Variants in ABI1 observed in about 807,000 individuals in gnomAD.
ABI1 encodes abl interactor 1, also known as Abelson interactor 1.
In ABI1, 14 loss-of-function variants were observed where a neutral mutation model predicts 54.6. The observed-to-expected ratio is 0.26, with a 90% confidence interval of 0.17 to 0.40. ABI1 has a LOEUF of 0.40. Among genes scored for constraint, ABI1 ranks in the 10% least tolerant of loss-of-function variants. The pLI, the probability that ABI1 is intolerant of heterozygous loss-of-function variation, is 1.00. For missense variants in ABI1, 443 were observed against 598.3 expected, an observed-to-expected ratio of 0.74 and a Z score of 2.71; for synonymous variants, 194 against 209.3, an observed-to-expected ratio of 0.93 and a Z score of 0.63.
At chr10:26,819,452 C>T (rs1308490582) in intron 2 of ABI1, among the ~76,000 whole-genome samples, 1 of 152,022 alleles carries the variant, frequency 6.6e-6, no homozygotes, top group Admixed American at 6.6e-5. Flanking sequence ...GACTAAAATG[C>T]AAAGAAAAAT....
At position 26,748,386 on chromosome 10, in the gene ABI1, T is replaced by C. The variant is rs1186021384; in HGVS notation, c.*184A>G. 8.1e-6 allele frequency: 4 copies of C among 495,846 alleles called. No individual in the cohort carries two copies. The highest frequency in any genetic ancestry group is 1.4e-5 in the Non-Finnish European group (4 of 281,540). 30.7% of individuals were successfully genotyped at this position (495,846 alleles called of 1,614,324 possible). ...ATGGACAGCTTCTTGTATAAATTGCTATTCAGCAATACATAAACTGCCTCA... is the reference window on the plus strand; with the variant it reads ...ATGGACAGCTTCTTGTATAAATTGCCATTCAGCAATACATAAACTGCCTCA... On this transcript the variant is annotated 3_prime_UTR_variant, in exon 11 of 11. Coordinates refer to ENST00000376140, the MANE Select transcript of ABI1 (RefSeq NM_001012750.3).
intron 9 of ABI1, among the ~76,000 whole-genome samples, chr10:26,755,120 C>T (rs2368185): frequency 0.58 from 88,113 of 152,016 alleles, 27,626 homozygotes; most frequent in African/African-American, 0.83. Flanking sequence ...TTACTTATTC[C>T]TGGTCATTCA....
At chr10:26,813,819 T>G (rs1308843565) in intron 2 of ABI1, among the ~76,000 whole-genome samples, 2 of 152,244 alleles carry the variant, frequency 1.3e-5, no homozygotes, top group African/African-American at 4.8e-5. Context: ...AAAATGTTAT[T>G]TGTACTAACA....
intron 2 of ABI1, among the ~76,000 whole-genome samples, chr10:26,797,433 A>G (rs573775359): frequency 4.7e-4 from 71 of 152,336 alleles, no homozygotes; most frequent in Middle Eastern, 6.8e-3. Context: ...TCCGCTTGTC[A>G]TTGTAATCCC....
intron 4 of ABI1, 191 bp from the exon 5 acceptor site, chr10:26,770,536 C>A (rs763447752): frequency 1.4e-6 from 1 of 736,506 alleles, no homozygotes; most frequent in South Asian, 1.4e-5. Context: ...TATTTTATGC[C>A]ATTTATATCA....
intron 9 of ABI1, among the ~76,000 whole-genome samples, chr10:26,754,171 C>T (rs1837978974): frequency 6.6e-6 from 1 of 152,036 alleles, no homozygotes; most frequent in Non-Finnish European, 1.5e-5. Context: ...TATTTTTGCA[C>T]TCTATTTATT....
intron 2 of ABI1, among the ~76,000 whole-genome samples, chr10:26,795,663 A>C (rs557196224): frequency 6.6e-6 from 1 of 152,198 alleles, no homozygotes; most frequent in Non-Finnish European, 1.5e-5. Flanking sequence ...GCATCCAAAA[A>C]AAAATACTTA....
chr10:26,836,582 G>C (rs2049094708), intron 1 of ABI1, among the ~76,000 whole-genome samples: 1 of 152,132 alleles, frequency 6.6e-6, no homozygotes, highest in Non-Finnish European at 1.5e-5. Flanking sequence ...TTTCCCTCTT[G>C]TGACATTTTC....
intron 3 of ABI1, among the ~76,000 whole-genome samples, chr10:26,774,980 A>T (rs1841203569): frequency 6.6e-6 from 1 of 152,160 alleles, no homozygotes; most frequent in African/African-American, 2.4e-5. Flanking sequence ...GTAAGAAAAG[A>T]AACTTCTAAA....
chr10:26,798,232 G>A (rs1009661494), intron 2 of ABI1, among the ~76,000 whole-genome samples: 3 of 151,848 alleles, frequency 2.0e-5, no homozygotes, highest in Non-Finnish European at 4.4e-5. Flanking sequence ...GCTGAAGGTG[G>A]GAAGTTAGAA....
chr10:26,858,680 C>T (rs960933298), intron 1 of ABI1, among the ~76,000 whole-genome samples: 1 of 151,256 alleles, frequency 6.6e-6, no homozygotes. Flanking sequence ...TTTTAAAGTG[C>T]TTCAAAGTTA....
intron 2 of ABI1, among the ~76,000 whole-genome samples, chr10:26,798,459 C>G (rs1241569765): frequency 6.6e-6 from 1 of 151,954 alleles, no homozygotes; most frequent in Non-Finnish European, 1.5e-5. Context: ...GCCAAAAGTG[C>G]AGGTGGCCTC....
At chr10:26,810,941 G>A (rs1543849) in intron 2 of ABI1, among the ~76,000 whole-genome samples, 86,598 of 151,912 alleles carry the variant, frequency 0.57, 26,700 homozygotes, top group African/African-American at 0.82. Flanking sequence ...AAGAGGGAGA[G>A]AGGAGGAAGG....
intron 2 of ABI1, among the ~76,000 whole-genome samples, chr10:26,809,082 C>CA (rs1298858573): frequency 6.6e-6 from 1 of 151,920 alleles, no homozygotes; most frequent in African/African-American, 2.4e-5. Flanking sequence ...CCAGCCTGGC[C>CA]AACATGGTGA....
intron 1 of ABI1, among the ~76,000 whole-genome samples, chr10:26,856,997 C>T (rs563649512): frequency 1.3e-5 from 2 of 152,250 alleles, no homozygotes; most frequent in South Asian, 4.1e-4. Flanking sequence ...GGAAAAGTCT[C>T]TTCTGTATGT....
chr10:26,805,996 T>C (rs2046850617), intron 2 of ABI1, among the ~76,000 whole-genome samples: 2 of 151,966 alleles, frequency 1.3e-5, no homozygotes, highest in South Asian at 4.1e-4. Flanking sequence ...TACATTCTAA[T>C]CACCCTGAAA....
chr10:26,819,833 A>G (rs902254337), intron 2 of ABI1, among the ~76,000 whole-genome samples: 23 of 152,344 alleles, frequency 1.5e-4, no homozygotes, highest in African/African-American at 4.6e-4. Context: ...TACAATTCCT[A>G]TTATTCAGCC....
At chr10:26,850,913 G>A (rs1412452494) in intron 1 of ABI1, among the ~76,000 whole-genome samples, 1 of 152,098 alleles carries the variant, frequency 6.6e-6, no homozygotes, top group Non-Finnish European at 1.5e-5. Context: ...GTGTAGAAAA[G>A]AGCCCAAATG....
intron 2 of ABI1, among the ~76,000 whole-genome samples, chr10:26,784,210 A>G (rs1842463983): frequency 6.6e-6 from 1 of 152,168 alleles, no homozygotes; most frequent in Admixed American, 6.5e-5. Flanking sequence ...TCACTACTCA[A>G]TCATCATTCT....
Sources: allele counts gnomAD v4.1 joint callset (sites outside exome capture counted in the v4.1 genomes callset), GRCh38; gene constraint gnomAD v4.1.1; transcripts MANE v1.5; gene names NCBI Gene and HGNC (gene_info 2026-07-23, HGNC 2026-07-21).